The following NHLRC2 variants were observed in gnomAD, a reference collection of about 807,000 sequenced individuals.
NHLRC2 encodes the protein NHL repeat containing 2.
A neutral mutation model predicts 68.1 loss-of-function variants in NHLRC2; 33 were observed. The observed-to-expected ratio is 0.48, with a 90% CI of 0.37 to 0.65. The LOEUF (loss-of-function observed/expected upper bound fraction) is 0.65. NHLRC2 is among the 30% of genes least tolerant of loss of function. NHLRC2 has a pLI of 0.00. For missense variants in NHLRC2, 761 were observed against 853.8 expected, an observed-to-expected ratio of 0.89 and a Z score of 1.35; for synonymous variants, 311 against 309.6, an observed-to-expected ratio of 1.00 and a Z score of -0.05.
chr10:113,902,018 G>A (rs1253106872), intron 7 of NHLRC2, 121 bp downstream of exon 7: 1 of 688,596 alleles, frequency 1.5e-6, no homozygotes, highest in Non-Finnish European at 2.4e-6. Flanking sequence ...GAATCAAAAT[G>A]AAAGTCAGAC....
chr10:113,858,485 T>A, intron 1 of NHLRC2, 43 bp from the exon 2 acceptor site: 1 of 1,405,812 alleles, frequency 7.1e-7, no homozygotes, highest in Non-Finnish European at 9.8e-7. Context: ...GTAAATTTTA[T>A]CTTTCTCTTT....
At position 113,858,646 on chromosome 10, in the gene NHLRC2, T is replaced by C; in HGVS notation, c.297T>C (p.Asp99=). 1.2e-6 allele frequency: 2 copies of C among 1,610,938 alleles called. No individual in the cohort carries two copies. The highest frequency in any genetic ancestry group is 1.7e-6 in the Non-Finnish European group (2 of 1,177,180). The change falls in exon 2 of 11, where the codon GAT becomes GAC. Residue 99 remains aspartate (D), a synonymous_variant. Transcript: ENST00000369301. ...TAAACTGTATTCACCTATTGCCTGA[T>C]CTCCATGCATTAGAACACACATACT... The part of the protein sequence containing the change: ...CCINCIHLLP[D]LHALEHTYSD...
chr10:113,896,054 T>C (rs1846174284), intron 5 of NHLRC2, among the ~76,000 whole-genome samples: 1 of 152,144 alleles, frequency 6.6e-6, no homozygotes, highest in South Asian at 2.1e-4. Flanking sequence ...AGGAACACTT[T>C]TACACTGTTG....
At chr10:113,869,908 C>T (rs142264792) in intron 2 of NHLRC2, among the ~76,000 whole-genome samples, 79 of 152,118 alleles carry the variant, frequency 5.2e-4, no homozygotes, top group African/African-American at 1.3e-3. Flanking sequence ...ATTTCTTTGT[C>T]GTTTTTTGAG....
At chr10:113,866,077 C>T (rs915963021) in intron 2 of NHLRC2, among the ~76,000 whole-genome samples, 4 of 152,168 alleles carry the variant, frequency 2.6e-5, no homozygotes, top group Non-Finnish European at 5.9e-5. Context: ...TAATTCAAAA[C>T]CTTGAAAGAG....
intron 5 of NHLRC2, among the ~76,000 whole-genome samples, chr10:113,895,395 T>C (rs1002971035): frequency 1.2e-4 from 19 of 152,158 alleles, no homozygotes; most frequent in Non-Finnish European, 1.8e-4. Flanking sequence ...AGTAAATTAA[T>C]AAATATGTAA....
chr10:113,871,730 G>T (rs965613205), intron 2 of NHLRC2, among the ~76,000 whole-genome samples: 1 of 152,150 alleles, frequency 6.6e-6, no homozygotes, highest in South Asian at 2.1e-4. Context: ...TGGGTTTGGA[G>T]GAGGATGGTG....
intron 10 of NHLRC2, among the ~76,000 whole-genome samples, chr10:113,906,944 G>A (rs750115655): frequency 4.6e-5 from 7 of 152,188 alleles, no homozygotes; most frequent in Non-Finnish European, 5.9e-5. Flanking sequence ...CCAAGCTCAC[G>A]CCACTGCACT....
intron 4 of NHLRC2, among the ~76,000 whole-genome samples, chr10:113,881,127 G>T (rs1846033049): frequency 6.6e-6 from 1 of 151,604 alleles, no homozygotes; most frequent in Middle Eastern, 3.4e-3. Context: ...ATCTTTTTGG[G>T]GTTGTATGTG....
chr10:113,893,240 C>T lies in NHLRC2; in HGVS notation c.1040-4870C>T, dbSNP rs556372140. Among the ~76,000 whole-genome samples the T allele has an allele frequency of 2.5e-4, 38 of 152,100 alleles. No homozygotes were observed. In the South Asian group the frequency reaches 7.3e-3, roughly 29 times the overall value. ...CAGAAATGCACTTGAGTACTTGTTA[C>T]CAGAGCTAAGTCTGCATGGGTCAGA... On this transcript the variant is annotated intron_variant, in intron 5 of 10. Coordinates refer to ENST00000369301, the MANE Select transcript of NHLRC2 (RefSeq NM_198514.4).
At chr10:113,875,112 A>AT (rs1189895230) in intron 2 of NHLRC2, among the ~76,000 whole-genome samples, 1 of 151,426 alleles carries the variant, frequency 6.6e-6, no homozygotes, top group Non-Finnish European at 1.5e-5. Flanking sequence ...ATATCAGGTA[A>AT]TTTTTTATTG....
chr10:113,854,882 CCCGGAGGCCGGGGCCG>C lies in NHLRC2; in HGVS notation c.12_27del (p.Gly5AlafsTer12). On this transcript the variant is annotated frameshift_variant, in exon 1 of 11. Transcript: ENST00000369301. LOFTEE classifies it high-confidence loss of function. ...GGAGCCCGGCGGAAACATGGCGGCG[CCCGGAGGCCGGGGCCG>C]CAGCCTCTCCGGCCTGCTCCCCGCG... 1 of 1,542,276 alleles carries C rather than the reference CCCGGAGGCCGGGGCCG, an allele frequency of 6.5e-7. No homozygotes were observed. The highest frequency in any genetic ancestry group is 8.7e-7 in the Non-Finnish European group (1 of 1,143,888).
chr10:113,855,490 C>T (rs951908249), intron 1 of NHLRC2, among the ~76,000 whole-genome samples: 10 of 151,026 alleles, frequency 6.6e-5, no homozygotes, highest in African/African-American at 2.2e-4. Flanking sequence ...TTTTTTGATA[C>T]GGAGTCTCGC....
In NHLRC2 at chr10:113,902,462, A is replaced by G. The variant is rs910986227; in HGVS notation, c.1372-9A>G. 6.5e-6 allele frequency: 10 copies of G among 1,542,698 alleles called. No homozygotes were observed. The highest frequency in any genetic ancestry group is 8.7e-6 in the Non-Finnish European group (10 of 1,143,816). On this transcript the variant is annotated splice_polypyrimidine_tract_variant and intron_variant, in intron 7 of 10. Coordinates refer to ENST00000369301, the MANE Select transcript of NHLRC2 (RefSeq NM_198514.4). ...ACTGCTGTTTCTTTTCTTTTAAAAAAAATTAAAGAATTTATTTGCTTTTGG... is the reference window on the plus strand; with the variant it reads ...ACTGCTGTTTCTTTTCTTTTAAAAAGAATTAAAGAATTTATTTGCTTTTGG...
intron 2 of NHLRC2, among the ~76,000 whole-genome samples, chr10:113,861,132 A>T (rs1845812681): frequency 6.6e-6 from 1 of 152,196 alleles, no homozygotes; most frequent in Non-Finnish European, 1.5e-5. Flanking sequence ...GAACCTGAAG[A>T]TAAGGCAATG....
At chr10:113,879,786 C>T (rs1424352320) in intron 4 of NHLRC2, 91 bp downstream of exon 4, 1 of 812,810 alleles carries the variant, frequency 1.2e-6, no homozygotes, top group Non-Finnish European at 1.9e-6. Context: ...AAGCGTGATT[C>T]TTATGTATGT....
At chr10:113,870,199 T>C (rs1178316631) in intron 2 of NHLRC2, among the ~76,000 whole-genome samples, 1 of 152,208 alleles carries the variant, frequency 6.6e-6, no homozygotes, top group African/African-American at 2.4e-5. Context: ...TTTATTTTTT[T>C]CTATTTGTAT....
At chr10:113,862,476 CAACT>C (rs1461909424) in intron 2 of NHLRC2, among the ~76,000 whole-genome samples, 2 of 144,766 alleles carry the variant, frequency 1.4e-5, no homozygotes, top group Non-Finnish European at 3.1e-5. Context: ...AAATAAAAAT[CAACT>C]AAACAAAAAA....
chr10:113,862,462 T>TACAAAATAAAAATCAACTAA (rs1845825936), intron 2 of NHLRC2, among the ~76,000 whole-genome samples: 1 of 147,554 alleles, frequency 6.8e-6, no homozygotes, highest in Admixed American at 6.7e-5. Flanking sequence ...AATGTTTCAC[T>TACAAAATAAAAATCAACTAA]ACAAAATAAA....
Sources: allele counts gnomAD v4.1 joint callset (sites outside exome capture counted in the v4.1 genomes callset), GRCh38; gene constraint gnomAD v4.1.1; transcripts MANE v1.5; gene names NCBI Gene and HGNC (gene_info 2026-07-23, HGNC 2026-07-21).